The following MAD1L1 variants were observed in gnomAD, a reference collection of about 807,000 sequenced individuals.
MAD1L1 encodes the protein mitotic arrest deficient 1 like 1.
In MAD1L1, 95 loss-of-function variants were observed where a neutral mutation model predicts 96.9. The ratio of observed to expected loss-of-function variants is 0.98; its 90% CI spans 0.83 to 1.16. The LOEUF (loss-of-function observed/expected upper bound fraction) is 1.16. Ranked by LOEUF, MAD1L1 falls within the 50% of genes most tolerant of loss-of-function variation. The pLI, the probability that MAD1L1 is intolerant of heterozygous loss-of-function variation, is 0.00. For synonymous variants in MAD1L1, 473 were observed against 396.6 expected, an observed-to-expected ratio of 1.19 and a Z score of -2.29; for missense variants, 1,007 against 954.4, an observed-to-expected ratio of 1.06 and a Z score of -0.73.
intron 3 of MAD1L1, among the ~76,000 whole-genome samples, chr7:2,229,324 T>G (rs1794076988): frequency 6.6e-6 from 1 of 152,140 alleles, no homozygotes; most frequent in Non-Finnish European, 1.5e-5. Context: ...TCCCTACAAC[T>G]TGGGGGCCCC....
chr7:2,019,094 G>A (rs1782668904), intron 12 of MAD1L1, among the ~76,000 whole-genome samples: 1 of 152,184 alleles, frequency 6.6e-6, no homozygotes, highest in African/African-American at 2.4e-5. Context: ...ACGTGGGGCT[G>A]CAGACACGGC....
intron 12 of MAD1L1, among the ~76,000 whole-genome samples, chr7:2,064,989 CAGG>C (rs1270559039): frequency 6.6e-6 from 1 of 151,810 alleles, no homozygotes; most frequent in Non-Finnish European, 1.5e-5. Context: ...TGGCTTCTTC[CAGG>C]AGGACAGTGG....
chr7:1,851,015 G>A (rs1356728108), intron 18 of MAD1L1, among the ~76,000 whole-genome samples: 1 of 152,218 alleles, frequency 6.6e-6, no homozygotes, highest in African/African-American at 2.4e-5. Flanking sequence ...CTAAGCTTCT[G>A]TGACCCTGCG....
chr7:1,895,501 C>G (rs1786809868), intron 18 of MAD1L1, among the ~76,000 whole-genome samples: 1 of 152,248 alleles, frequency 6.6e-6, no homozygotes, highest in Non-Finnish European at 1.5e-5. Context: ...TAAAGCCCTT[C>G]CATACTTTAC....
At chr7:1,905,413 TGG>T (rs1787564755) in intron 17 of MAD1L1, among the ~76,000 whole-genome samples, 2 of 68,530 alleles carry the variant, frequency 2.9e-5, no homozygotes, top group Non-Finnish European at 4.1e-5. Context: ...GACGCTCTTG[TGG>T]AACTCATGAT....
intron 14 of MAD1L1, among the ~76,000 whole-genome samples, chr7:1,997,217 C>A (rs999743375): frequency 2.6e-5 from 4 of 152,122 alleles, no homozygotes; most frequent in African/African-American, 9.7e-5. Context: ...TTCTCATTTC[C>A]TAAATAACAA....
intron 12 of MAD1L1, among the ~76,000 whole-genome samples, chr7:2,015,651 C>T (rs1007982678): frequency 3.3e-5 from 5 of 152,346 alleles, no homozygotes; most frequent in Admixed American, 6.5e-5. Context: ...TGGTCTCAGA[C>T]GCTGAGTCTG....
rs867812611 is a variant in MAD1L1 at position 1,901,926 on chromosome 7, C to T, written c.1808-3536G>A. 2.8e-4 allele frequency among the ~76,000 whole-genome samples: 42 copies of T among 152,344 alleles called. No homozygotes were observed. The South Asian group carries it at 3.5e-3, about 13-fold the overall frequency. ...CTGGGACCCCTGCTTTGGGCAGAAC[C>T]GGCCCTCTTAGAGGTACCTGCTACC... On this transcript the variant is annotated intron_variant, in intron 17 of 18. Transcript: ENST00000265854.
intron 12 of MAD1L1, 52 bp from the exon 13 acceptor site, chr7:2,014,694 T>A (rs532793550): frequency 1.3e-6 from 2 of 1,547,492 alleles, no homozygotes; most frequent in South Asian, 1.2e-5. Flanking sequence ...GATGAGGTAA[T>A]GATGGAGACG....
At chr7:2,057,176 C>T (rs1438092399) in intron 12 of MAD1L1, among the ~76,000 whole-genome samples, 3 of 152,226 alleles carry the variant, frequency 2.0e-5, no homozygotes, top group Non-Finnish European at 4.4e-5. Flanking sequence ...TGTGCAGCTC[C>T]CTGCTGTTTT....
chr7:2,026,010 T>C (rs1242296804), intron 12 of MAD1L1, among the ~76,000 whole-genome samples: 1 of 150,020 alleles, frequency 6.7e-6, no homozygotes, highest in Non-Finnish European at 1.5e-5. Flanking sequence ...CAGTTACAAT[T>C]AGATTAAATA....
At position 2,128,411 on chromosome 7, in the gene MAD1L1, A is replaced by G. The variant is rs146583370; in HGVS notation, c.1073+20741T>C. Among the ~76,000 whole-genome samples, 8 of 152,134 alleles carry G rather than the reference A, an allele frequency of 5.3e-5. No individual in the cohort carries two copies. The East Asian group carries it at 5.8e-4, about 11-fold the overall frequency. ...ACCGTGAAAGACCTAGGCAGTTCAG[A>G]GTTCATGAAACACTCGCTCATCAGC... On this transcript the variant is annotated intron_variant, in intron 11 of 18. Coordinates refer to ENST00000265854, the MANE Select transcript of MAD1L1 (RefSeq NM_001013836.2).
chr7:2,166,702 C>T (rs1357340128), intron 10 of MAD1L1, among the ~76,000 whole-genome samples: 1 of 152,222 alleles, frequency 6.6e-6, no homozygotes, highest in Admixed American at 6.5e-5. Flanking sequence ...AGGCGTGGCC[C>T]GGCCGGCCTG....
intron 12 of MAD1L1, among the ~76,000 whole-genome samples, chr7:2,038,851 T>C (rs1454021651): frequency 1.3e-5 from 2 of 152,080 alleles, no homozygotes; most frequent in Admixed American, 6.5e-5. Context: ...ACAGATTCAC[T>C]TGGAGCTATA....
At chr7:2,164,962 A>C (rs958021296) in intron 10 of MAD1L1, among the ~76,000 whole-genome samples, 8 of 152,184 alleles carry the variant, frequency 5.3e-5, no homozygotes, top group African/African-American at 1.9e-4. Flanking sequence ...GGAAGGGGGC[A>C]TGTTGACCCG....
chr7:2,224,827 G>A (rs1358003588), intron 4 of MAD1L1, among the ~76,000 whole-genome samples: 2 of 152,094 alleles, frequency 1.3e-5, no homozygotes, highest in African/African-American at 4.8e-5. Flanking sequence ...GCCCTGGGGA[G>A]CCAGGAGCAA....
At chr7:1,880,742 G>A (rs1181442168) in intron 18 of MAD1L1, among the ~76,000 whole-genome samples, 4 of 152,246 alleles carry the variant, frequency 2.6e-5, no homozygotes, top group Non-Finnish European at 5.9e-5. Context: ...CAGGCAAGCT[G>A]TAGGGCGTCC....
At position 1,898,353 on chromosome 7, in the gene MAD1L1, G is replaced by A; in HGVS notation, c.1845C>T (p.Asn615=). The A allele has an allele frequency of 1.9e-6, 3 of 1,614,048 alleles. No individual in the cohort carries two copies. Among genetic ancestry groups the A allele is most frequent in the Non-Finnish European group, 2.5e-6 (3 of 1,180,014 alleles). ...KKQVESAELK[N]QRLKEVFQTK... ...TCTGGAAAACCTCCTTGAGCCGCTG[G>A]TTCTTCAGCTCGGCACTCTCCACCT... Residue 615 remains asparagine (N), a synonymous_variant, in exon 18 of 19, where the codon AAC becomes AAT. Coordinates refer to ENST00000265854, the MANE Select transcript of MAD1L1 (RefSeq NM_001013836.2).
At chr7:1,893,990 C>T (rs114891500) in intron 18 of MAD1L1, among the ~76,000 whole-genome samples, 2,803 of 152,356 alleles carry the variant, frequency 0.018, 77 homozygotes, top group African/African-American at 0.063. Flanking sequence ...TTTTGCTCCA[C>T]TGAAACCTGT....
Sources: allele counts gnomAD v4.1 joint callset (sites outside exome capture counted in the v4.1 genomes callset), GRCh38; gene constraint gnomAD v4.1.1; transcripts MANE v1.5; gene names NCBI Gene and HGNC (gene_info 2026-07-23, HGNC 2026-07-21).